The following HIP1 variants were observed in gnomAD, a reference collection of about 807,000 sequenced individuals.
The protein encoded by HIP1 is huntingtin-interacting protein 1.
In HIP1, 65 loss-of-function variants were observed where a neutral mutation model predicts 147.6. The observed-to-expected ratio is 0.44, with a 90% CI of 0.36 to 0.54. HIP1 has a LOEUF of 0.54. HIP1 is among the 20% of genes least tolerant of loss of function. The pLI is 0.00. For missense variants in HIP1, 1,061 were observed against 1,299.6 expected, an observed-to-expected ratio of 0.82 and a Z score of 2.82; for synonymous variants, 479 against 504.0, an observed-to-expected ratio of 0.95 and a Z score of 0.67.
At chr7:75,639,405 G>A (rs1294266455) in intron 1 of HIP1, among the ~76,000 whole-genome samples, 1 of 151,516 alleles carries the variant, frequency 6.6e-6, no homozygotes, top group Non-Finnish European at 1.5e-5. Flanking sequence ...GGGGGCGCGA[G>A]GGGAGACCGG....
intron 1 of HIP1, among the ~76,000 whole-genome samples, chr7:75,639,590 T>TGCGTGC (rs1554510182): frequency 3.3e-5 from 5 of 150,014 alleles, no homozygotes; most frequent in African/African-American, 9.9e-5. Flanking sequence ...TGTGTGTGTG[T>TGCGTGC]GTGCGCCCGC....
intron 1 of HIP1, among the ~76,000 whole-genome samples, chr7:75,638,511 G>A (rs1798519919): frequency 1.3e-5 from 2 of 152,218 alleles, no homozygotes; most frequent in East Asian, 1.9e-4. Context: ...ACTGAAGCTG[G>A]GGTTCCCAAG....
chr7:75,572,682 C>T (rs1188574703), intron 8 of HIP1, among the ~76,000 whole-genome samples: 1 of 152,194 alleles, frequency 6.6e-6, no homozygotes, highest in Non-Finnish European at 1.5e-5. Flanking sequence ...TGTAGCCGCC[C>T]AAGTTGTGAC....
chr7:75,633,817 G>A (rs782700555), intron 1 of HIP1, among the ~76,000 whole-genome samples: 21 of 152,056 alleles, frequency 1.4e-4, no homozygotes, highest in African/African-American at 4.8e-4. Context: ...AGTCTTTTCC[G>A]CTCTGCCATC....
intron 1 of HIP1, among the ~76,000 whole-genome samples, chr7:75,722,636 G>T (rs987845895): frequency 6.6e-6 from 1 of 152,132 alleles, no homozygotes; most frequent in Non-Finnish European, 1.5e-5. Context: ...TTTACTTCCC[G>T]TTCCATTTCC....
intron 4 of HIP1, among the ~76,000 whole-genome samples, chr7:75,589,150 TAA>T (rs112794656): frequency 1.2e-4 from 16 of 129,798 alleles, no homozygotes; most frequent in South Asian, 2.4e-4. Flanking sequence ...AACTCTGTCT[TAA>T]AAAAAAAAAA....
intron 1 of HIP1, among the ~76,000 whole-genome samples, chr7:75,677,255 CA>C (rs1304204968): frequency 6.6e-6 from 1 of 151,540 alleles, no homozygotes; most frequent in Non-Finnish European, 1.5e-5. Flanking sequence ...AAATATGCAA[CA>C]AATGTCCCTT....
At chr7:75,658,624 A>G (rs1272864312) in intron 1 of HIP1, among the ~76,000 whole-genome samples, 2 of 151,508 alleles carry the variant, frequency 1.3e-5, no homozygotes, top group African/African-American at 4.8e-5. Flanking sequence ...AGGCTGTTAA[A>G]ACAGCAGGAG....
intron 1 of HIP1, among the ~76,000 whole-genome samples, chr7:75,627,858 G>C (rs908636104): frequency 6.6e-6 from 1 of 152,136 alleles, no homozygotes; most frequent in Non-Finnish European, 1.5e-5. Flanking sequence ...AGGGGAGCTG[G>C]GCACAGGGAA....
At chr7:75,539,772 A>G (rs1416233531) in intron 29 of HIP1, among the ~76,000 whole-genome samples, 5 of 152,204 alleles carry the variant, frequency 3.3e-5, no homozygotes, top group African/African-American at 1.2e-4. Flanking sequence ...TATCTATCCC[A>G]GTAGCTCTTA....
intron 1 of HIP1, among the ~76,000 whole-genome samples, chr7:75,634,468 C>T (rs1307194266): frequency 6.6e-6 from 1 of 152,176 alleles, no homozygotes; most frequent in Admixed American, 6.5e-5. Context: ...TATTATATCG[C>T]TATAGCGCAT....
intron 1 of HIP1, among the ~76,000 whole-genome samples, chr7:75,675,204 AT>A (rs1317995540): frequency 6.6e-6 from 1 of 150,804 alleles, no homozygotes; most frequent in Non-Finnish European, 1.5e-5. Context: ...TCTGATACTG[AT>A]TTTTTTTCTT....
At chr7:75,589,597 C>T (rs1238114263) in intron 4 of HIP1, among the ~76,000 whole-genome samples, 4 of 133,470 alleles carry the variant, frequency 3.0e-5, no homozygotes, top group African/African-American at 5.6e-5. Context: ...GCAGGAGAAT[C>T]GCTTCAACCT....
intron 9 of HIP1, among the ~76,000 whole-genome samples, chr7:75,567,730 G>A (rs984228841): frequency 6.8e-6 from 1 of 146,590 alleles, no homozygotes; most frequent in Admixed American, 6.6e-5. Context: ...GAACCCAGGA[G>A]GCGGAGGTTG....
At chr7:75,702,971 T>C (rs1421857841) in intron 1 of HIP1, among the ~76,000 whole-genome samples, 5 of 152,162 alleles carry the variant, frequency 3.3e-5, no homozygotes, top group Non-Finnish European at 7.3e-5. Context: ...GTGATCAGAT[T>C]TCAACATAAG....
intron 1 of HIP1, among the ~76,000 whole-genome samples, chr7:75,704,657 A>G (rs1800936524): frequency 6.6e-6 from 1 of 152,116 alleles, no homozygotes. Context: ...ATCTCGACTC[A>G]CTGCAACCTC....
rs189523794 is a variant in HIP1, at chr7:75,734,177, C to T, written c.120+4624G>A. Among the ~76,000 whole-genome samples, 362 of 151,802 alleles carry T rather than the reference C, an allele frequency of 2.4e-3. 2 individuals carry two copies. Among genetic ancestry groups the T allele is most frequent in the Non-Finnish European group, 3.8e-3 (261 of 67,942 alleles). Reference sequence around the variant, plus strand: ...AGGAGAATCACTTGAACCCAGGAGGCGAAGGTTGTAGTGAACCGAGATGGC... The same window carrying T: ...AGGAGAATCACTTGAACCCAGGAGGTGAAGGTTGTAGTGAACCGAGATGGC... On this transcript the variant is annotated intron_variant, in intron 1 of 30. Coordinates refer to ENST00000336926, the MANE Select transcript of HIP1 (RefSeq NM_005338.7).
chr7:75,573,928 G>A (rs1554497162), intron 7 of HIP1, 27 bp from the exon 8 acceptor site: 1 of 1,598,954 alleles, frequency 6.3e-7, no homozygotes, highest in East Asian at 2.2e-5. Flanking sequence ...AGGGAGAAAG[G>A]TGGTAGAGCC....
chr7:75,579,593 G>C (rs1230762406), intron 7 of HIP1, among the ~76,000 whole-genome samples: 1 of 152,114 alleles, frequency 6.6e-6, no homozygotes, highest in Non-Finnish European at 1.5e-5. Context: ...TGCCTGGCCT[G>C]TTTCTGGTGT....
Sources: gnomAD v4.1 joint callset for allele counts (sites outside exome capture counted in the v4.1 genomes callset) on GRCh38, gnomAD v4.1.1 for gene constraint, MANE v1.5 for transcripts, NCBI Gene and HGNC (gene_info 2026-07-23, HGNC 2026-07-21) for gene names.